SP3: variants seen among roughly 807,000 people sequenced by gnomAD.
The protein encoded by SP3 is transcription factor Sp3.
A neutral mutation model predicts 70.3 loss-of-function variants in SP3; 10 were observed. The observed-to-expected ratio is 0.14, with a 90% confidence interval of 0.09 to 0.24. SP3 has a LOEUF of 0.24. Among genes scored for constraint, SP3 ranks in the 10% least tolerant of loss-of-function variants. The pLI is 1.00. For synonymous variants in SP3, 402 were observed against 333.5 expected (o/e 1.21, Z -2.24); for missense variants, 825 against 914.6 (o/e 0.90, Z 1.26).
At chr2:173,948,902 A>G (rs1395258613) in intron 4 of SP3, among the ~76,000 whole-genome samples, 3 of 152,198 alleles carry the variant, frequency 2.0e-5, no homozygotes, top group African/African-American at 7.2e-5. Context: ...CATGATTCAC[A>G]AATGAACAGG....
intron 1 of SP3, 103 bp from the exon 2 acceptor site, chr2:173,964,656 AG>A: frequency 2.2e-6 from 1 of 447,860 alleles, no homozygotes; most frequent in South Asian, 2.4e-5. Flanking sequence ...GCCCGGACCC[AG>A]GCCCCTTCCC....
At chr2:173,923,084 C>T (rs1689803949) in intron 4 of SP3, among the ~76,000 whole-genome samples, 1 of 152,034 alleles carries the variant, frequency 6.6e-6, no homozygotes. Context: ...AAAATTTAAG[C>T]AATGAAAACA....
chr2:173,955,189 C>T lies in SP3; in HGVS notation c.1323G>A (p.Leu441=). The change falls in exon 4 of 7, where the codon TTG becomes TTA. Residue 441 remains leucine (L), a synonymous_variant. Transcript: ENST00000310015. ...ISQQALQNLQ[L]QLNPGTFLIQ... is the part of the protein sequence containing the mutation. ...TTAAAAAGGTTCCAGGATTCAGCTG[C>T]AACTGAAGATTTTGCAAAGCCTGTT... The T allele has an allele frequency of 6.2e-7, 1 of 1,614,168 alleles. No individual in the cohort carries two copies. The highest frequency in any genetic ancestry group is 8.5e-7 in the Non-Finnish European group (1 of 1,180,032).
chr2:173,934,093 AGCAAGGCACAGT>A (rs1690149382), intron 4 of SP3, among the ~76,000 whole-genome samples: 1 of 152,086 alleles, frequency 6.6e-6, no homozygotes, highest in Non-Finnish European at 1.5e-5. Context: ...TAAAAAAATT[AGCAAGGCACAGT>A]GCGGGGCACC....
chr2:173,955,149 C>G lies in SP3; in HGVS notation c.1363G>C (p.Val455Leu), dbSNP rs1259005460. Residue 455 changes from valine to leucine, a missense_variant, in exon 4 of 7, where the codon GTG (valine) becomes CTG (leucine). By Grantham distance (32) the Val-to-Leu change is conservative. Around this residue, in one of 4 missense-constraint regions of SP3, gnomAD observed 678 missense variants for 651.6 expected, o/e 1.04. Coordinates refer to ENST00000310015, the MANE Select transcript of SP3 (RefSeq NM_003111.5). Reference sequence around the variant, plus strand: ...CAAGTTACCTGTCCAGAAGGGGTCACTGTCTGTGCCTGAATTAAAAAGGTT... The same window carrying G: ...CAAGTTACCTGTCCAGAAGGGGTCAGTGTCTGTGCCTGAATTAAAAAGGTT... ...PGTFLIQAQT[V>L]TPSGQVTWQT... The G allele has an allele frequency of 6.2e-7, 1 of 1,614,188 alleles. No individual in the cohort carries two copies.
chr2:173,950,226 C>T (rs1690672700), intron 4 of SP3, among the ~76,000 whole-genome samples: 1 of 151,650 alleles, frequency 6.6e-6, no homozygotes, highest in African/African-American at 2.4e-5. Flanking sequence ...AGACTTACTG[C>T]TTAATACAGG....
Position 173,906,788 on chromosome 2 carries a change from C to G in SP3, c.*3153G>C, listed in dbSNP as rs991264600. 3 of 152,186 alleles carry G rather than the reference C, an allele frequency of 2.0e-5. No individual in the cohort carries two copies. The highest frequency in any genetic ancestry group is 4.4e-5 in the Non-Finnish European group (3 of 68,036). 9.4% of individuals were successfully genotyped at this position (152,186 alleles called of 1,614,324 possible). On this transcript the variant is annotated 3_prime_UTR_variant, in exon 7 of 7. Coordinates refer to ENST00000310015, the MANE Select transcript of SP3 (RefSeq NM_003111.5). The stretch of plus-strand genomic sequence containing the variant: ...AACGCAGGAGTGTTTAACAGAACCA[C>G]TTGAGCAGCTGTTTCAAAACACATA...
At chr2:173,926,796 TTTC>T (rs1689922727) in intron 4 of SP3, among the ~76,000 whole-genome samples, 1 of 152,218 alleles carries the variant, frequency 6.6e-6, no homozygotes, top group South Asian at 2.1e-4. Context: ...CTTGAAGTCG[TTTC>T]TTAAAATATT....
intron 4 of SP3, among the ~76,000 whole-genome samples, chr2:173,936,645 A>C (rs1450537130): frequency 6.6e-6 from 1 of 152,230 alleles, no homozygotes; most frequent in Non-Finnish European, 1.5e-5. Flanking sequence ...TAAAAAAGAA[A>C]AAAATGCTGC....
intron 4 of SP3, among the ~76,000 whole-genome samples, chr2:173,944,854 T>A (rs530980301): frequency 2.6e-5 from 4 of 152,316 alleles, no homozygotes; most frequent in East Asian, 3.9e-4. Flanking sequence ...CGGTGGTTCA[T>A]GCCTGTAATC....
At chr2:173,927,152 T>A (rs1420422838) in intron 4 of SP3, among the ~76,000 whole-genome samples, 1 of 152,096 alleles carries the variant, frequency 6.6e-6, no homozygotes, top group Non-Finnish European at 1.5e-5. Flanking sequence ...AGGAGGATGG[T>A]GGTAAGCCAT....
chr2:173,945,134 G>T (rs1690502103), intron 4 of SP3, among the ~76,000 whole-genome samples: 1 of 152,176 alleles, frequency 6.6e-6, no homozygotes, highest in African/African-American at 2.4e-5. Flanking sequence ...CCTTAAGGAT[G>T]GGTCTCATGG....
rs1214453494 is a variant in SP3 at position 173,905,477 on chromosome 2, A to G, written c.*4464T>C. ...TAGCATAGATTCAGAAGCAAGAGTT[A>G]AAAGGTGAAAAATGGGGAAAAGGAC... On this transcript the variant is annotated 3_prime_UTR_variant, in exon 7 of 7. Coordinates refer to ENST00000310015, the MANE Select transcript of SP3 (RefSeq NM_003111.5). 2.0e-5 allele frequency among the ~76,000 whole-genome samples: 3 copies of G among 152,228 alleles called. No individual in the cohort carries two copies. The highest frequency in any genetic ancestry group is 2.9e-5 in the Non-Finnish European group (2 of 68,040).
At chr2:173,960,814 CA>C (rs142922056) in intron 3 of SP3, among the ~76,000 whole-genome samples, 117 of 143,188 alleles carry the variant, frequency 8.2e-4, no homozygotes, top group Admixed American at 9.1e-4. Flanking sequence ...ACTAAAAATA[CA>C]AAAAAAAAAA....
intron 4 of SP3, among the ~76,000 whole-genome samples, chr2:173,942,275 C>T (rs754605246): frequency 2.6e-5 from 4 of 152,182 alleles, no homozygotes; most frequent in Non-Finnish European, 4.4e-5. Flanking sequence ...AAAGTTGGGG[C>T]CGGGAGCAGT....
chr2:173,910,769 A>T (rs1473795050), intron 6 of SP3, among the ~76,000 whole-genome samples: 1 of 152,232 alleles, frequency 6.6e-6, no homozygotes, highest in Non-Finnish European at 1.5e-5. Context: ...AGTAATCCTT[A>T]GAAAAATGAA....
chr2:173,933,132 C>A (rs1023126121), intron 4 of SP3, among the ~76,000 whole-genome samples: 1 of 151,972 alleles, frequency 6.6e-6, no homozygotes, highest in African/African-American at 2.4e-5. Context: ...TTGCCACATT[C>A]TTCATTTTTT....
intron 4 of SP3, among the ~76,000 whole-genome samples, chr2:173,934,598 GCCAGGCCTGTAACT>G (rs1430575692): frequency 2.0e-5 from 3 of 151,936 alleles, no homozygotes; most frequent in East Asian, 3.9e-4. Flanking sequence ...AAAGTCAATT[GCCAGGCCTGTAACT>G]CCGGCACTTC....
Position 173,961,749 on chromosome 2 carries a change from T to C in SP3, c.279+2012A>G, listed in dbSNP as rs372774289. 1.2e-4 allele frequency among the ~76,000 whole-genome samples: 19 copies of C among 152,284 alleles called. 1 individual carries two copies. The highest frequency in any genetic ancestry group is 2.6e-4 in the African/African-American group (11 of 41,556). ...TAAAAGATTATCTAAGCCCATGAAC[T>C]CATGTGAATTTCCTTTTCTAAGATG... On this transcript the variant is annotated intron_variant, in intron 3 of 6. Coordinates refer to ENST00000310015, the MANE Select transcript of SP3 (RefSeq NM_003111.5).
Sources: gnomAD v4.1 joint callset for allele counts (sites outside exome capture counted in the v4.1 genomes callset) on GRCh38, gnomAD v4.1.1 for gene constraint, gnomAD v4.1.1 regional missense constraint, MANE v1.5 for transcripts, NCBI Gene and HGNC (gene_info 2026-07-23, HGNC 2026-07-21) for gene names.